The following SBNO2 variants were observed in gnomAD, a reference collection of about 807,000 sequenced individuals.
The protein encoded by SBNO2 is strawberry notch homolog 2.
SBNO2 carries 89 observed loss-of-function variants against 146.3 expected under a neutral mutation model. The observed-to-expected ratio is 0.61, with a 90% CI of 0.51 to 0.73. SBNO2 has a LOEUF of 0.73. Ranked by LOEUF, SBNO2 falls within the 30% of genes least tolerant of loss-of-function variation. SBNO2 has a pLI of 0.00. For missense variants in SBNO2, 2,092 were observed against 2,003.7 expected, an observed-to-expected ratio of 1.04 and a Z score of -0.84; for synonymous variants, 1,147 against 892.6, an observed-to-expected ratio of 1.29 and a Z score of -5.08.
chr19:1,109,511 A>G lies in SBNO2; in HGVS notation c.3211T>C (p.Tyr1071His). The change falls in exon 28 of 32, where the codon TAC (tyrosine) becomes CAC (histidine). Residue 1071 changes from tyrosine (Y) to histidine (H), a missense_variant. By Grantham distance (83) the Tyr-to-His change is moderately conservative. Coordinates refer to ENST00000361757, the MANE Select transcript of SBNO2 (RefSeq NM_014963.3). This position sits in a 1 kb window ranked among gnomAD's most constrained non-coding sequence, Gnocchi z 4.2. ...GTAACCCCGCCCGACCCCACCTTGT[A>G]GGAGAGGTAGAAGCCGTCATAGGGG... ...TGPYDGFYLS[Y>H]KVRGNKPSCL... 1.3e-6 allele frequency: 2 copies of G among 1,597,078 alleles called. No homozygotes were observed. The highest frequency in any genetic ancestry group is 1.7e-6 in the Non-Finnish European group (2 of 1,173,222).
At position 1,122,191 on chromosome 19, in the gene SBNO2, C is replaced by T. The variant is rs1163103794; in HGVS notation, c.1097G>A (p.Arg366His). ...IGESQAGGQH[R>H]TRLRQILDWC... ...GTCCAGGATCTGCCGGAGGCGAGTG[C>T]GGTGCTGGCCGCCGGCCTGGCTCTC... Residue 366 changes from arginine (R) to histidine (H), a missense_variant, in exon 11 of 32, where the codon CGC (arginine) becomes CAC (histidine). Transcript: ENST00000361757. 2.0e-5 allele frequency: 31 copies of T among 1,547,072 alleles called. No homozygotes were observed. Among genetic ancestry groups the T allele is most frequent in the African/African-American group, 2.7e-5 (2 of 72,912 alleles).
rs2080166030 is a variant in SBNO2, at chr19:1,144,280, G to A, written c.279+3029C>T. On this transcript the variant is annotated intron_variant, in intron 4 of 31. Transcript: ENST00000361757. This position sits in a 1 kb window ranked among gnomAD's most constrained non-coding sequence, Gnocchi z 4.1. Reference sequence around the variant, plus strand: ...CAGCACTGGGGGACCACGCGGCCCGGCCCACACTTGGCACCGGGGTCAGAC... The same window carrying A: ...CAGCACTGGGGGACCACGCGGCCCGACCCACACTTGGCACCGGGGTCAGAC... Among the ~76,000 whole-genome samples the A allele has an allele frequency of 6.6e-6, 1 of 152,056 alleles. No homozygotes were observed. The highest frequency in any genetic ancestry group is 1.9e-4 in the East Asian group (1 of 5,194).
rs927543112 is a variant in SBNO2 at position 1,108,601 on chromosome 19, G to T, written c.3720C>A (p.Ala1240=). 7.3e-7 allele frequency: 1 copy of T among 1,364,302 alleles called. No homozygotes were observed. The highest frequency in any genetic ancestry group is 9.4e-7 in the Non-Finnish European group (1 of 1,068,000). 84.5% of individuals were successfully genotyped at this position (1,364,302 alleles called of 1,614,324 possible). Residue 1240 remains alanine, a synonymous_variant, in exon 32 of 32, where the codon GCC becomes GCA. Transcript: ENST00000361757. ...RRQAPALGCP[A]PPAPRPLALP... is the part of the protein sequence containing the mutation. ...GCGCCAGCGGGCGCGGGGCGGGCGG[G>T]GCGGGGCAGCCCAGGGCGGGCGCCT...
chr19:1,144,715 CAG>C lies in SBNO2; in HGVS notation c.279+2592_279+2593del, dbSNP rs1475250282. ...ACAGAGACAGAGAGGGAAACAGACA[CAG>C]AGGCAGAGAGGGAGACAAAGAGACA... is the stretch of plus-strand genomic sequence containing the variant. On this transcript the variant is annotated intron_variant, in intron 4 of 31. Coordinates refer to ENST00000361757, the MANE Select transcript of SBNO2 (RefSeq NM_014963.3). The surrounding 1 kb of genome is among the most constrained non-coding windows in gnomAD (Gnocchi z 4.1). Among the ~76,000 whole-genome samples, 3 of 144,962 alleles carry C rather than the reference CAG, an allele frequency of 2.1e-5. No homozygotes were observed. Among genetic ancestry groups the C allele is most frequent in the Non-Finnish European group, 4.5e-5 (3 of 66,202 alleles).
rs1194417190 is a variant in SBNO2 at position 1,109,345 on chromosome 19, C to G, written c.3295G>C (p.Gly1099Arg). The G allele has an allele frequency of 5.0e-6, 8 of 1,593,690 alleles. No homozygotes were observed. In the Admixed American group the frequency reaches 1.4e-4, roughly 28 times the overall value. The change falls in exon 29 of 32, where the codon GGC becomes CGC. Residue 1099 changes from glycine to arginine, a missense_variant. By Grantham distance (125) the Gly-to-Arg change is moderately radical. Transcript: ENST00000361757. The surrounding 1 kb of genome is among the most constrained non-coding windows in gnomAD (Gnocchi z 4.2). The stretch of plus-strand genomic sequence containing the variant: ...AGGGCCTCCAGCTGGCTCTGCCGGC[C>G]GATGTTGGGCTTGTACACCGTGAAG... ...QFFTVYKPNI[G>R]RQSQLEALDS...
At chr19:1,162,590 G>A (rs1397116214) in intron 1 of SBNO2, among the ~76,000 whole-genome samples, 1 of 152,134 alleles carries the variant, frequency 6.6e-6, no homozygotes, top group African/African-American at 2.4e-5. Context: ...GGGACCAGCT[G>A]ACATCGGCCT....
chr19:1,128,199 A>T (rs2079988975), intron 4 of SBNO2: 2 of 495,526 alleles, frequency 4.0e-6, no homozygotes, highest in South Asian at 1.5e-5. Context: ...GCCACGCAGG[A>T]CGGCGTCTGA....
rs2080169479 is a variant in SBNO2, at chr19:1,144,628, G to GAAGACAGAGAGGGCGACA, written c.279+2663_279+2680dup. 4.7e-5 allele frequency among the ~76,000 whole-genome samples: 7 copies of GAAGACAGAGAGGGCGACA among 150,398 alleles called. No individual in the cohort carries two copies. In the South Asian group the frequency reaches 1.5e-3, roughly 32 times the overall value. ...GACAGAGGCAGAGAGGGAAACAGAC[G>GAAGACAGAGAGGGCGACA]AAGACAGAGAGGGCGACAGAGACAG... On this transcript the variant is annotated intron_variant, in intron 4 of 31. Transcript: ENST00000361757. The surrounding 1 kb of genome is among the most constrained non-coding windows in gnomAD (Gnocchi z 4.1).
intron 23 of SBNO2, 43 bp downstream of exon 23, chr19:1,111,953 C>G (rs768475011): frequency 6.5e-7 from 1 of 1,529,498 alleles, no homozygotes; most frequent in South Asian, 1.2e-5. Flanking sequence ...TCCCTAGACC[C>G]CTGCCCCTGC....
intron 7 of SBNO2, 127 bp from the exon 8 acceptor site, chr19:1,123,172 G>T: frequency 9.1e-7 from 1 of 1,097,524 alleles, no homozygotes; most frequent in Non-Finnish European, 1.3e-6. Context: ...GCGTGGCCAG[G>T]TCCCGTTGGG....
At position 1,109,105 on chromosome 19, in the gene SBNO2, GT is replaced by G. The variant is rs1183607904; in HGVS notation, c.3425+29del. The G allele has an allele frequency of 1.3e-6, 2 of 1,545,720 alleles. No individual in the cohort carries two copies. Among genetic ancestry groups the G allele is most frequent in the African/African-American group, 2.7e-5 (2 of 72,896 alleles). On this transcript the variant is annotated intron_variant, in intron 30 of 31. Coordinates refer to ENST00000361757, the MANE Select transcript of SBNO2 (RefSeq NM_014963.3). The surrounding 1 kb of genome is among the most constrained non-coding windows in gnomAD (Gnocchi z 4.2). ...CCGCCTGGGTCGCCGCCATCTGCCG[GT>G]TTCCCCCTGGTCCCCGGCCCGCCCT...
At chr19:1,120,212 A>T (rs1201622964) in intron 11 of SBNO2, 189 bp from the exon 12 acceptor site, 1 of 593,192 alleles carries the variant, frequency 1.7e-6, no homozygotes, top group African/African-American at 1.9e-5. Context: ...GGCGGCCCCC[A>T]CACGACCATT....
chr19:1,147,392 C>G lies in SBNO2; in HGVS notation c.196G>C (p.Gly66Arg), dbSNP rs746582318. Reference protein sequence around the residue: ...RPFMSSASFLGSQPCPDTSYA... With the variant: ...RPFMSSASFLRSQPCPDTSYA... ...CTGGTGTCTGGGCAGGGCTGGCTGC[C>G]GAGGAAGGAGGCGGAGCTCATGAAC... Residue 66 changes from glycine to arginine, a missense_variant, in exon 4 of 32, where the codon GGC (glycine) becomes CGC (arginine). Transcript: ENST00000361757. 2.7e-6 allele frequency: 4 copies of G among 1,464,678 alleles called. No homozygotes were observed. The East Asian group carries it at 8.7e-5, about 32-fold the overall frequency. 90.7% of individuals were successfully genotyped at this position (1,464,678 alleles called of 1,614,324 possible). A position where few individuals can be genotyped will look rare whatever the true frequency, so the allele number is the denominator to read the frequency against.
chr19:1,146,518 G>A (rs972687593), intron 4 of SBNO2, among the ~76,000 whole-genome samples: 1 of 152,050 alleles, frequency 6.6e-6, no homozygotes, highest in African/African-American at 2.4e-5. Context: ...GCGGAGGCTT[G>A]GGGGAGCTGA....
At chr19:1,162,157 T>C (rs1304104439) in intron 1 of SBNO2, among the ~76,000 whole-genome samples, 2 of 114,698 alleles carry the variant, frequency 1.7e-5, no homozygotes, top group East Asian at 2.6e-4. Context: ...GTTAAGGTTT[T>C]ATTCTTTTTT....
At chr19:1,114,567 A>C (rs2079808998) in intron 17 of SBNO2, 145 bp from the exon 18 acceptor site, 14 of 664,732 alleles carry the variant, frequency 2.1e-5, no homozygotes, top group Non-Finnish European at 3.3e-5. Flanking sequence ...CAAGCAGCTC[A>C]GCTGTTCTCC....
At chr19:1,134,414 A>C (rs1423638973) in intron 4 of SBNO2, among the ~76,000 whole-genome samples, 1 of 151,252 alleles carries the variant, frequency 6.6e-6, no homozygotes, top group Non-Finnish European at 1.5e-5. Flanking sequence ...ACGGAGGAAC[A>C]GGGCCAGCAC....
Position 1,149,357 on chromosome 19 carries a change from C to G in SBNO2, c.167+12G>C, listed in dbSNP as rs918801440. On this transcript the variant is annotated intron_variant, in intron 3 of 31. Coordinates refer to ENST00000361757, the MANE Select transcript of SBNO2 (RefSeq NM_014963.3). The stretch of plus-strand genomic sequence containing the variant: ...AGCCTGGGGGCCAGGCGGGGAGGGT[C>G]CCGGTACTCACCGGCTGTCGCTGGA... The G allele has an allele frequency of 1.4e-5, 21 of 1,550,552 alleles. No individual in the cohort carries two copies. The highest frequency in any genetic ancestry group is 1.7e-5 in the Non-Finnish European group (19 of 1,147,058).
chr19:1,149,283 G>C, intron 3 of SBNO2, 86 bp downstream of exon 3: 2 of 1,290,428 alleles, frequency 1.5e-6, no homozygotes, highest in East Asian at 2.5e-5. Flanking sequence ...TTGGGCCCTC[G>C]CGCCCTGCAC....
Sources: allele counts gnomAD v4.1 joint callset (sites outside exome capture counted in the v4.1 genomes callset), GRCh38; gene constraint gnomAD v4.1.1; non-coding constraint Gnocchi (gnomAD v3.1); transcripts MANE v1.5; gene names NCBI Gene and HGNC (gene_info 2026-07-23, HGNC 2026-07-21).